ACLY: variants seen among roughly 807,000 people sequenced by gnomAD.
ACLY encodes the protein ATP citrate lyase, also known as ATP-citrate synthase.
A neutral mutation model predicts 133.0 loss-of-function variants in ACLY; 41 were observed. The observed-to-expected ratio is 0.31, with a 90% CI of 0.24 to 0.40. The LOEUF (loss-of-function observed/expected upper bound fraction) is 0.40. ACLY is among the 10% of genes least tolerant of loss of function. The pLI, the probability that ACLY is intolerant of heterozygous loss-of-function variation, is 1.00. For missense variants in ACLY, 1,046 were observed against 1,453.8 expected (o/e 0.72, Z 4.56); for synonymous variants, 495 against 549.3 (o/e 0.90, Z 1.38).
chr17:41,872,000 C>G (rs1384772095), intron 24 of ACLY, 32 bp downstream of exon 24: 15 of 1,612,230 alleles, frequency 9.3e-6, no homozygotes, highest in Middle Eastern at 1.7e-4. Flanking sequence ...CCAGTGTCCC[C>G]ACTGTTCACC....
chr17:41,884,795 G>T (rs1034478567), intron 18 of ACLY, among the ~76,000 whole-genome samples: 10 of 152,322 alleles, frequency 6.6e-5, no homozygotes, highest in African/African-American at 2.4e-4. Context: ...GCTGAGACGG[G>T]AGGATCGCTT....
chr17:41,925,987 G>A (rs2050239111), intron 1 of ACLY, among the ~76,000 whole-genome samples: 1 of 151,928 alleles, frequency 6.6e-6, no homozygotes, highest in African/African-American at 2.4e-5. Flanking sequence ...TGGGATTACA[G>A]GTGTGTGCCA....
upstream of ACLY, among the ~76,000 whole-genome samples, chr17:41,922,935 G>A (rs914251269): frequency 2.0e-5 from 3 of 152,192 alleles, no homozygotes; most frequent in Non-Finnish European, 2.9e-5. Context: ...GCCTCCTCAA[G>A]TAAGACTCTC....
intron 1 of ACLY, among the ~76,000 whole-genome samples, chr17:41,929,449 T>A (rs782158565): frequency 3.3e-5 from 5 of 152,132 alleles, no homozygotes; most frequent in African/African-American, 1.2e-4. Context: ...AGCTCAAATA[T>A]TACCCCTCTA....
chr17:41,916,183 T>C (rs1183932192), intron 1 of ACLY, among the ~76,000 whole-genome samples: 4 of 152,078 alleles, frequency 2.6e-5, no homozygotes, highest in Non-Finnish European at 5.9e-5. Context: ...AAACAAGAGA[T>C]TTGCCACTAG....
At position 41,907,553 on chromosome 17, in the gene ACLY, G is replaced by A; in HGVS notation, c.636C>T (p.Val212=). Residue 212 remains valine (V), a synonymous_variant, in exon 7 of 29, where the codon GTC becomes GTT. Transcript: ENST00000352035. ...INPLVVTKDG[V]YVLDLAAKVD... ...CCTTGGCCGCCAAGTCAAGGACATA[G>A]ACTCCATCTTTGGTCACTACTTCAA... 2 of 1,614,046 alleles carry A rather than the reference G, an allele frequency of 1.2e-6. No individual in the cohort carries two copies. Among genetic ancestry groups the A allele is most frequent in the Non-Finnish European group, 1.7e-6 (2 of 1,179,966 alleles).
rs59479696 is a variant in ACLY, at chr17:41,913,375, C to T, written c.159+340G>A. On this transcript the variant is annotated intron_variant, in intron 2 of 28. Coordinates refer to ENST00000352035, the MANE Select transcript of ACLY (RefSeq NM_001096.3). ...GCTAAATGCTTCTTGCTAATCTTTA[C>T]AGCTCAAAGTGAGTATTATCCCATT... Among the ~76,000 whole-genome samples the T allele has an allele frequency of 5.7e-3, 876 of 152,376 alleles. 6 individuals are homozygous for T. The highest frequency in any genetic ancestry group is 0.02 in the African/African-American group (846 of 41,586).
chr17:41,907,483 T>C lies in ACLY; in HGVS notation c.706A>G (p.Ile236Val). Residue 236 changes from isoleucine (I) to valine (V), a missense_variant, in exon 7 of 29, where the codon ATC becomes GTC. Around this residue, in one of 4 missense-constraint regions of ACLY, gnomAD observed 575 missense variants for 804.2 expected, o/e 0.71. Coordinates refer to ENST00000352035, the MANE Select transcript of ACLY (RefSeq NM_001096.3). ...CGCCCGAAGGGGGGAGGGAACTCGA[T>C]GTCACCCCACTTCACTTTGCAGATG... ...DYICKVKWGD[I>V]EFPPPFGREA... 1 of 1,613,748 alleles carries C rather than the reference T, an allele frequency of 6.2e-7. No homozygotes were observed. The highest frequency in any genetic ancestry group is 8.5e-7 in the Non-Finnish European group (1 of 1,179,936).
In ACLY at chr17:41,872,029, T is replaced by TA; in HGVS notation, c.2793+2dup. The TA allele has an allele frequency of 6.2e-7, 1 of 1,613,932 alleles. No homozygotes were observed. The highest frequency in any genetic ancestry group is 8.5e-7 in the Non-Finnish European group (1 of 1,179,910). ...GTTCACCTCCCATGATGACAGTACT[T>TA]ACGATGGTGAGCAGCCCCGAGGTGA... On this transcript the variant is annotated splice_region_variant and intron_variant, in intron 24 of 28. Transcript: ENST00000352035.
Position 41,873,854 on chromosome 17 carries a change from T to C in ACLY, c.2599A>G (p.Met867Val). The C allele has an allele frequency of 6.3e-7, 1 of 1,599,316 alleles. No homozygotes were observed. Among genetic ancestry groups the C allele is most frequent in the Non-Finnish European group, 8.6e-7 (1 of 1,169,074 alleles). The change falls in exon 23 of 29, where the codon ATG becomes GTG. Residue 867 changes from methionine to valine, a missense_variant. By Grantham distance (21) the Met-to-Val change is conservative. Transcript: ENST00000352035. ...AGGCCGAGGACCCCGCCAATGCCCA[T>C]CTCTTCCTTGAAGACCTCAGTGATG... The part of the protein sequence containing the change: ...MPITEVFKEE[M>V]GIGGVLGLLW...
At chr17:41,892,252 C>A in intron 16 of ACLY, 27 bp downstream of exon 16, 2 of 259,254 alleles carry the variant, frequency 7.7e-6, no homozygotes, top group Non-Finnish European at 1.2e-5. Context: ...GTCCCCACCC[C>A]CCACCCTCCA....
rs182164719 is a variant in ACLY, at chr17:41,911,624, T to C, written c.282+796A>G. On this transcript the variant is annotated intron_variant, in intron 3 of 28. Transcript: ENST00000352035. ...TGAGGCCAGAAGTTCGAGACCAGCC[T>C]GGGTAACATTCAAGACCCTAACTCT... is the stretch of plus-strand genomic sequence containing the variant. Among the ~76,000 whole-genome samples the C allele has an allele frequency of 7.9e-5, 12 of 152,274 alleles. No individual in the cohort carries two copies. The East Asian group carries it at 2.3e-3, about 29-fold the overall frequency.
intron 14 of ACLY, among the ~76,000 whole-genome samples, chr17:41,896,081 C>CA (rs2049357776): frequency 6.6e-6 from 1 of 152,128 alleles, no homozygotes; most frequent in Non-Finnish European, 1.5e-5. Flanking sequence ...GTTCCTCCAC[C>CA]ACAACCCCAG....
chr17:41,900,069 C>CAAAAAAAAAAAAAAAAAAAAAAAAAAAAA lies in ACLY; in HGVS notation c.1184-1285_1184-1284insTTTTTTTTTTTTTTTTTTTTTTTTTTTTT, dbSNP rs60296550. Among the ~76,000 whole-genome samples the CAAAAAAAAAAAAAAAAAAAAAAAAAAAAA allele has an allele frequency of 1.1e-4, 5 of 46,630 alleles. 1 individual carries two copies. Among genetic ancestry groups the CAAAAAAAAAAAAAAAAAAAAAAAAAAAAA allele is most frequent in the Admixed American group, 8.1e-4 (2 of 2,462 alleles). 30.6% of individuals were successfully genotyped at this position (46,630 alleles called of 152,430 possible). On this transcript the variant is annotated intron_variant, in intron 11 of 28. Transcript: ENST00000352035. ...GGGTGACAGAGTGAGACCCTGTCTC[C>CAAAAAAAAAAAAAAAAAAAAAAAAAAAAA]AAAAAAAAAAAAAAAAAAAAAAAAA...
intron 9 of ACLY, among the ~76,000 whole-genome samples, 147 bp downstream of exon 9, chr17:41,905,367 TCAGAGAAA>T (rs2049682562): frequency 4.6e-5 from 7 of 152,250 alleles, no homozygotes; most frequent in African/African-American, 1.7e-4. Flanking sequence ...CTCTGTGCAG[TCAGAGAAA>T]CTGAGAGCCA....
intron 27 of ACLY, 45 bp from the exon 28 acceptor site, chr17:41,868,830 G>A: frequency 6.4e-7 from 1 of 1,572,680 alleles, no homozygotes; most frequent in Non-Finnish European, 8.8e-7. Flanking sequence ...TCACGTGACT[G>A]CCCTCCTCCC....
upstream of ACLY, among the ~76,000 whole-genome samples, chr17:41,920,788 T>A (rs2050170306): frequency 1.3e-5 from 2 of 151,812 alleles, no homozygotes; most frequent in Admixed American, 1.3e-4. Context: ...GCGTGGTGAT[T>A]CACATGCCTG....
chr17:41,911,518 A>G (rs2049900534), intron 3 of ACLY, among the ~76,000 whole-genome samples: 1 of 152,244 alleles, frequency 6.6e-6, no homozygotes. Flanking sequence ...CCAAGCTGGG[A>G]GAAGTTAATA....
intron 11 of ACLY, among the ~76,000 whole-genome samples, chr17:41,900,481 A>G (rs2049506598): frequency 6.6e-6 from 1 of 151,900 alleles, no homozygotes; most frequent in Admixed American, 6.6e-5. Flanking sequence ...GCACTTTGGG[A>G]GGCAAAGGCA....
Sources: gnomAD v4.1 joint callset for allele counts (sites outside exome capture counted in the v4.1 genomes callset) on GRCh38, gnomAD v4.1.1 for gene constraint, gnomAD v4.1.1 regional missense constraint, MANE v1.5 for transcripts, NCBI Gene and HGNC (gene_info 2026-07-23, HGNC 2026-07-21) for gene names.